The following DNAJC11 variants were observed in gnomAD, a reference collection of about 807,000 sequenced individuals.
DNAJC11 encodes dnaJ homolog subfamily C member 11.
A neutral mutation model predicts 78.6 loss-of-function variants in DNAJC11; 15 were observed. The ratio of observed to expected loss-of-function variants is 0.19; its 90% confidence interval spans 0.13 to 0.29. The LOEUF is 0.29. Among genes scored for constraint, DNAJC11 ranks in the 10% least tolerant of loss-of-function variants. DNAJC11 has a pLI of 1.00. For synonymous variants in DNAJC11, 292 were observed against 272.1 expected (o/e 1.07, Z -0.72); for missense variants, 547 against 709.6 (o/e 0.77, Z 2.60).
intron 1 of DNAJC11, among the ~76,000 whole-genome samples, chr1:6,685,120 A>T (rs535181045): frequency 9.2e-5 from 14 of 152,304 alleles, no homozygotes; most frequent in African/African-American, 2.4e-4. Flanking sequence ...AAAAAAATTT[A>T]AAAAAATTAT....
chr1:6,639,646 C>G (rs1303261428), intron 11 of DNAJC11, among the ~76,000 whole-genome samples: 1 of 152,162 alleles, frequency 6.6e-6, no homozygotes, highest in Admixed American at 6.5e-5. Flanking sequence ...CCCAACACTT[C>G]TATAAACTCC....
At chr1:6,693,080 T>C (rs893595836) in intron 1 of DNAJC11, among the ~76,000 whole-genome samples, 2 of 150,740 alleles carry the variant, frequency 1.3e-5, no homozygotes, top group African/African-American at 4.9e-5. Context: ...TAATTTTTTT[T>C]TTTCGTATTT....
intron 10 of DNAJC11, among the ~76,000 whole-genome samples, chr1:6,642,761 G>A (rs1298353076): frequency 6.6e-6 from 1 of 152,338 alleles, no homozygotes; most frequent in South Asian, 2.1e-4. Flanking sequence ...GGGGGCACAG[G>A]GAGGGATCGA....
intron 1 of DNAJC11, among the ~76,000 whole-genome samples, chr1:6,683,522 T>C (rs909722720): frequency 3.3e-5 from 5 of 152,214 alleles, no homozygotes; most frequent in Non-Finnish European, 5.9e-5. Flanking sequence ...CTGCAAACTG[T>C]GGACAATAGT....
intron 3 of DNAJC11, among the ~76,000 whole-genome samples, chr1:6,673,309 A>T (rs1642410367): frequency 2.0e-5 from 3 of 151,872 alleles, no homozygotes; most frequent in Non-Finnish European, 2.9e-5. Context: ...ACAACCACCA[A>T]GAAGACTGAC....
At position 6,645,768 on chromosome 1, in the gene DNAJC11, G is replaced by T. The variant is rs201372878; in HGVS notation, c.894+21C>A. On this transcript the variant is annotated intron_variant, in intron 8 of 15. Coordinates refer to ENST00000377577, the MANE Select transcript of DNAJC11 (RefSeq NM_018198.4). This position sits in a 1 kb window ranked among gnomAD's most constrained non-coding sequence, Gnocchi z 4.1. Reference sequence around the variant, plus strand: ...TCCTCCCAGAGCTCTGTCTGCAGGAGATGATGGCTGCTCGGCTCACCTGCA... The same window carrying T: ...TCCTCCCAGAGCTCTGTCTGCAGGATATGATGGCTGCTCGGCTCACCTGCA... The T allele has an allele frequency of 6.1e-4, 976 of 1,612,018 alleles. 1 individual carries two copies. The highest frequency in any genetic ancestry group is 8.1e-4 in the Non-Finnish European group (953 of 1,178,362).
rs2148729757 is a variant in DNAJC11 at position 6,644,476 on chromosome 1, AT to A, written c.1097+81del. The A allele has an allele frequency of 5.3e-5, 54 of 1,022,932 alleles. 2 individuals carry two copies. The South Asian group carries it at 6.6e-4, about 13-fold the overall frequency. The allele number at this position is 1,022,932 out of a possible 1,614,324, so 63.4% of individuals were successfully genotyped here. A position where few individuals can be genotyped will look rare whatever the true frequency, so the allele number is the denominator to read the frequency against. ...AGAACAAAATTACAATGCAAAGGCTATTTCAGCCTTAACTTGGGTAAAGCCT... is the reference window on the plus strand; with the variant it reads ...AGAACAAAATTACAATGCAAAGGCTATTCAGCCTTAACTTGGGTAAAGCCT... On this transcript the variant is annotated intron_variant, in intron 10 of 15. Coordinates refer to ENST00000377577, the MANE Select transcript of DNAJC11 (RefSeq NM_018198.4).
chr1:6,654,666 T>A (rs1437188517), intron 4 of DNAJC11, among the ~76,000 whole-genome samples: 2 of 152,208 alleles, frequency 1.3e-5, no homozygotes, highest in African/African-American at 4.8e-5. Context: ...TCTTTGATAG[T>A]CACAACTTTA....
At chr1:6,670,046 C>T (rs1451377722) in intron 3 of DNAJC11, among the ~76,000 whole-genome samples, 1 of 151,898 alleles carries the variant, frequency 6.6e-6, no homozygotes. Context: ...CTCCGCCTCC[C>T]TGGTTCACAC....
intron 1 of DNAJC11, among the ~76,000 whole-genome samples, chr1:6,695,627 T>TAAAAAAA (rs70984004): frequency 0.021 from 1,751 of 82,808 alleles, 163 homozygotes; most frequent in African/African-American, 0.03. Context: ...CTATCTCTAC[T>TAAAAAAA]AAAAAAAAAA....
intron 10 of DNAJC11, among the ~76,000 whole-genome samples, chr1:6,643,523 C>T (rs974141719): frequency 6.6e-6 from 1 of 151,888 alleles, no homozygotes; most frequent in Non-Finnish European, 1.5e-5. Flanking sequence ...GATCTGCCCG[C>T]CTTGGCCTCC....
intron 1 of DNAJC11, among the ~76,000 whole-genome samples, chr1:6,691,067 TA>T (rs1251850469): frequency 1.3e-5 from 2 of 151,640 alleles, no homozygotes; most frequent in Non-Finnish European, 2.9e-5. Context: ...TTTTGAAACT[TA>T]AGTGAGTTCT....
chr1:6,651,248 AC>A, intron 7 of DNAJC11: 1 of 633,604 alleles, frequency 1.6e-6, no homozygotes, highest in Non-Finnish European at 3.1e-6. Flanking sequence ...CCCTGAAGGC[AC>A]TCTTTCTCCG....
intron 10 of DNAJC11, among the ~76,000 whole-genome samples, chr1:6,643,294 T>G (rs1641908228): frequency 7.1e-6 from 1 of 141,548 alleles, no homozygotes; most frequent in Non-Finnish European, 1.6e-5. Context: ...TTTTTTTTTT[T>G]GAGTGGAGTC....
intron 1 of DNAJC11, among the ~76,000 whole-genome samples, chr1:6,687,886 A>G (rs1324062981): frequency 1.3e-5 from 2 of 152,220 alleles, no homozygotes; most frequent in Non-Finnish European, 2.9e-5. Context: ...CCACAGGAAC[A>G]ATGCAAGTAG....
chr1:6,641,930 C>T (rs1164005975), intron 10 of DNAJC11, among the ~76,000 whole-genome samples: 1 of 152,018 alleles, frequency 6.6e-6, no homozygotes, highest in Non-Finnish European at 1.5e-5. Context: ...GGAGATTGAA[C>T]ATGGCAAACA....
At chr1:6,657,021 G>A (rs1314526494) in intron 4 of DNAJC11, among the ~76,000 whole-genome samples, 1 of 152,146 alleles carries the variant, frequency 6.6e-6, no homozygotes, top group African/African-American at 2.4e-5. Flanking sequence ...AAAATAGTGT[G>A]ACACACTGTG....
intron 7 of DNAJC11, among the ~76,000 whole-genome samples, chr1:6,649,235 T>A (rs1202015318): frequency 6.6e-6 from 1 of 151,918 alleles, no homozygotes; most frequent in East Asian, 1.9e-4. Flanking sequence ...AGTGGCGCGA[T>A]CTCGGCTCAC....
intron 7 of DNAJC11, among the ~76,000 whole-genome samples, chr1:6,648,304 C>T (rs2148731553): frequency 6.6e-6 from 1 of 151,958 alleles, no homozygotes; most frequent in African/African-American, 2.4e-5. Flanking sequence ...TACAGGTGCC[C>T]ACCACCACGC....
Sources: gnomAD v4.1 joint callset for allele counts (sites outside exome capture counted in the v4.1 genomes callset) on GRCh38, gnomAD v4.1.1 for gene constraint, Gnocchi (gnomAD v3.1) non-coding constraint, MANE v1.5 for transcripts, NCBI Gene and HGNC (gene_info 2026-07-23, HGNC 2026-07-21) for gene names.